Variants in NCKAP5 observed in about 807,000 individuals in gnomAD.
NCKAP5 encodes the protein nck-associated protein 5.
A neutral mutation model predicts 167.0 loss-of-function variants in NCKAP5; 92 were observed. The observed-to-expected ratio is 0.55, with a 90% CI of 0.47 to 0.66. NCKAP5 has a LOEUF of 0.66. NCKAP5 is among the 30% of genes least tolerant of loss of function. NCKAP5 has a pLI of 0.00. For missense variants in NCKAP5, 2,378 were observed against 2,315.0 expected, an observed-to-expected ratio of 1.03 and a Z score of -0.56; for synonymous variants, 891 against 877.4, an observed-to-expected ratio of 1.02 and a Z score of -0.27.
intron 13 of NCKAP5, among the ~76,000 whole-genome samples, chr2:132,787,347 C>CAA (rs34393093): frequency 1.4e-4 from 15 of 104,442 alleles, no homozygotes; most frequent in African/African-American, 3.8e-4. Context: ...GACTCCGTTT[C>CAA]AAAAAAAAAA....
chr2:133,174,239 G>A (rs2084364107), intron 5 of NCKAP5, among the ~76,000 whole-genome samples: 1 of 152,170 alleles, frequency 6.6e-6, no homozygotes, highest in South Asian at 2.1e-4. Context: ...TTATTGGAAT[G>A]AGGTTATACA....
the NCKAP5 span, among the ~76,000 whole-genome samples, chr2:133,647,899 C>G: frequency 2.0e-4 from 30 of 152,024 alleles, no homozygotes; most frequent in Admixed American, 1.3e-3. Context: ...ACGATGATTA[C>G]GTTAAATGCA....
At chr2:133,535,530 T>C (rs1028490589) in intron 2 of NCKAP5, among the ~76,000 whole-genome samples, 1 of 152,154 alleles carries the variant, frequency 6.6e-6, no homozygotes, top group Non-Finnish European at 1.5e-5. Flanking sequence ...TATGTGAATA[T>C]ATAGAATATT....
At chr2:132,920,713 A>AAGT (rs1558942638) in intron 8 of NCKAP5, among the ~76,000 whole-genome samples, 1 of 97,550 alleles carries the variant, frequency 1.0e-5, no homozygotes, top group African/African-American at 4.9e-5. Context: ...GTATATGTAT[A>AAGT]TATATGTATA....
chr2:133,372,639 C>A (rs1481931705), intron 3 of NCKAP5, among the ~76,000 whole-genome samples: 1 of 152,200 alleles, frequency 6.6e-6, no homozygotes, highest in Non-Finnish European at 1.5e-5. Flanking sequence ...ACCAAAAGCA[C>A]CTTGGTAATG....
intron 8 of NCKAP5, among the ~76,000 whole-genome samples, chr2:132,944,337 T>G (rs570706103): frequency 7.2e-5 from 11 of 152,234 alleles, no homozygotes; most frequent in Non-Finnish European, 1.0e-4. Flanking sequence ...AAATGAGAGA[T>G]ATTCAAAGTG....
At chr2:133,542,084 G>C (rs1686271885) in intron 2 of NCKAP5, among the ~76,000 whole-genome samples, 1 of 152,130 alleles carries the variant, frequency 6.6e-6, no homozygotes, top group South Asian at 2.1e-4. Flanking sequence ...CCAGTTGTGA[G>C]GCTGAAAATT....
intron 3 of NCKAP5, among the ~76,000 whole-genome samples, chr2:133,397,275 A>G (rs1250938417): frequency 6.6e-6 from 1 of 152,182 alleles, no homozygotes; most frequent in Non-Finnish European, 1.5e-5. Flanking sequence ...AATCTAAATC[A>G]ATCTTTCTTA....
intron 11 of NCKAP5, among the ~76,000 whole-genome samples, chr2:132,807,105 C>T (rs1685499686): frequency 6.6e-6 from 1 of 152,214 alleles, no homozygotes; most frequent in African/African-American, 2.4e-5. Context: ...CTGTTCTGTT[C>T]CTTTGGTCTA....
chr2:133,543,367 T>C (rs1282537368), intron 2 of NCKAP5, among the ~76,000 whole-genome samples: 2 of 152,196 alleles, frequency 1.3e-5, no homozygotes, highest in Non-Finnish European at 2.9e-5. Context: ...ACTTCTTCTC[T>C]TTATAAATTA....
chr2:132,966,094 T>C (rs1212910632), intron 7 of NCKAP5, among the ~76,000 whole-genome samples: 1 of 152,166 alleles, frequency 6.6e-6, no homozygotes, highest in Non-Finnish European at 1.5e-5. Flanking sequence ...GCAAATGATC[T>C]TACACAAACT....
At chr2:132,977,369 TA>T (rs2077007894) in intron 7 of NCKAP5, among the ~76,000 whole-genome samples, 1 of 152,208 alleles carries the variant, frequency 6.6e-6, no homozygotes, top group African/African-American at 2.4e-5. Flanking sequence ...GCACAGAAGA[TA>T]AAAGCACCAC....
chr2:133,103,062 A>G (rs1306600061), intron 6 of NCKAP5, among the ~76,000 whole-genome samples: 1 of 152,154 alleles, frequency 6.6e-6, no homozygotes, highest in Non-Finnish European at 1.5e-5. Flanking sequence ...CTAAAAACTC[A>G]TTTCTTTTCA....
intron 7 of NCKAP5, among the ~76,000 whole-genome samples, chr2:132,984,239 C>A (rs993421750): frequency 1.3e-5 from 2 of 152,196 alleles, no homozygotes; most frequent in African/African-American, 4.8e-5. Flanking sequence ...CATACTAAGG[C>A]CCAGTCTCAG....
At chr2:132,875,427 T>C (rs1460044260) in intron 9 of NCKAP5, among the ~76,000 whole-genome samples, 1 of 152,158 alleles carries the variant, frequency 6.6e-6, no homozygotes, top group Non-Finnish European at 1.5e-5. Context: ...TCAGTGCAGC[T>C]CATTTGCTCT....
rs186881687 is a variant in NCKAP5, at chr2:132,998,203, A to T, written c.342-3964T>A. 2.5e-3 allele frequency among the ~76,000 whole-genome samples: 376 copies of T among 152,362 alleles called. 1 individual carries two copies. The highest frequency in any genetic ancestry group is 4.0e-3 in the Non-Finnish European group (272 of 68,036). Reference sequence around the variant, plus strand: ...TAAGTTAAAACACAATCTTGTCTCAATGCATATCTTGCTAAATTATCTCTT... The same window carrying T: ...TAAGTTAAAACACAATCTTGTCTCATTGCATATCTTGCTAAATTATCTCTT... On this transcript the variant is annotated intron_variant, in intron 6 of 19. Coordinates refer to ENST00000409261, the MANE Select transcript of NCKAP5 (RefSeq NM_207363.3).
chr2:133,144,289 G>A (rs114258342), intron 5 of NCKAP5, among the ~76,000 whole-genome samples: 1,564 of 152,162 alleles, frequency 0.01, 12 homozygotes, highest in Non-Finnish European at 0.014. Context: ...AGCAGGTATA[G>A]ATAATACATA....
chr2:132,825,739 C>A (rs1384166792), intron 11 of NCKAP5, among the ~76,000 whole-genome samples: 1 of 152,212 alleles, frequency 6.6e-6, no homozygotes, highest in Admixed American at 6.5e-5. Flanking sequence ...ATGGGAGGAG[C>A]TAGCCATATG....
the NCKAP5 span, among the ~76,000 whole-genome samples, chr2:133,599,369 C>T: frequency 1.3e-5 from 2 of 152,100 alleles, no homozygotes; most frequent in Admixed American, 6.5e-5. Flanking sequence ...GTAGTGGGAG[C>T]ACTCAGAGGC....
Sources: gnomAD v4.1 joint callset for allele counts (sites outside exome capture counted in the v4.1 genomes callset) on GRCh38, gnomAD v4.1.1 for gene constraint, MANE v1.5 for transcripts, NCBI Gene and HGNC (gene_info 2026-07-23, HGNC 2026-07-21) for gene names.